The following DNAH5 variants were observed in gnomAD, a reference collection of about 807,000 sequenced individuals.
The protein encoded by DNAH5 is dynein axonemal heavy chain 5, also known as axonemal beta dynein heavy chain 5.
In DNAH5, 372 loss-of-function variants were observed where a neutral mutation model predicts 518.2. The observed-to-expected ratio is 0.72, with a 90% confidence interval of 0.66 to 0.78. The LOEUF (loss-of-function observed/expected upper bound fraction) is 0.78. Ranked by LOEUF, DNAH5 falls within the 30% of genes least tolerant of loss-of-function variation. The probability of loss-of-function intolerance (pLI) is 0.00; values close to 1 mark genes in which losing one functional copy is unlikely to be tolerated. For synonymous variants in DNAH5, 2,039 were observed against 2,025.9 expected (o/e 1.01, Z -0.17); for missense variants, 5,523 against 5,687.0 (o/e 0.97, Z 0.93).
At chr5:13,726,297 A>G (rs889490029) in intron 70 of DNAH5, among the ~76,000 whole-genome samples, 2 of 152,234 alleles carry the variant, frequency 1.3e-5, no homozygotes, top group East Asian at 1.9e-4. Context: ...GGACTTGAAA[A>G]GCCAATGAAT....
chr5:13,855,654 C>T (rs560882014), intron 30 of DNAH5, among the ~76,000 whole-genome samples: 39 of 152,312 alleles, frequency 2.6e-4, no homozygotes, highest in African/African-American at 9.1e-4. Context: ...ACCTAACAGA[C>T]ATCTACAGAA....
chr5:13,786,447 G>T, intron 51 of DNAH5, 96 bp from the exon 52 acceptor site: 4 of 1,229,414 alleles, frequency 3.3e-6, no homozygotes, highest in Non-Finnish European at 4.7e-6. Context: ...ACCTAACACT[G>T]AATAACATTC....
chr5:13,839,556 C>A, intron 34 of DNAH5, 28 bp from the exon 35 acceptor site: 1 of 1,583,312 alleles, frequency 6.3e-7, no homozygotes, highest in Non-Finnish European at 8.7e-7. Flanking sequence ...TATGTTAGAG[C>A]TCTGATGAGA....
At position 13,754,149 on chromosome 5, in the gene DNAH5, C is replaced by T. The variant is rs533982351; in HGVS notation, c.10555+54G>A. The T allele has an allele frequency of 1.3e-4, 205 of 1,608,186 alleles. 2 individuals carry two copies. The highest frequency in any genetic ancestry group is 1.9e-4 in the South Asian group (17 of 90,852). On this transcript the variant is annotated intron_variant, in intron 62 of 78. Transcript: ENST00000265104. ...GGAATTTGATTAAAGTATAAGCTTT[C>T]GAATTCCCTATCACAGTCAACACAC...
chr5:13,852,132 G>A (rs572222675), intron 30 of DNAH5, among the ~76,000 whole-genome samples: 2 of 152,164 alleles, frequency 1.3e-5, no homozygotes, highest in East Asian at 1.9e-4. Context: ...AAAATTCGGT[G>A]GCCGTTTGGG....
At chr5:13,902,714 T>G (rs940901635) in intron 12 of DNAH5, among the ~76,000 whole-genome samples, 1 of 152,330 alleles carries the variant, frequency 6.6e-6, no homozygotes, top group African/African-American at 2.4e-5. Flanking sequence ...TGCTGACCCC[T>G]GCCCTAGAGG....
chr5:13,890,321 T>G (rs1580762561), intron 17 of DNAH5, among the ~76,000 whole-genome samples: 3 of 151,184 alleles, frequency 2.0e-5, no homozygotes, highest in African/African-American at 7.3e-5. Context: ...GCAGGAGAAT[T>G]GCTTCAACCG....
At chr5:13,927,252 G>A (rs1323432685) in intron 3 of DNAH5, among the ~76,000 whole-genome samples, 2 of 152,122 alleles carry the variant, frequency 1.3e-5, no homozygotes, top group East Asian at 3.9e-4. Context: ...CCAGCACTTT[G>A]GGAGGCCGAG....
At position 13,859,477 on chromosome 5, in the gene DNAH5, C is replaced by A. The variant is rs934381467; in HGVS notation, c.4925G>T (p.Gly1642Val). The change falls in exon 30 of 79, where the codon GGA becomes GTA. Residue 1642 changes from glycine to valine, a missense_variant. Coordinates refer to ENST00000265104, the MANE Select transcript of DNAH5 (RefSeq NM_001369.3). Reference sequence around the variant, plus strand: ...CTTGGGCAGCTGCTTGGCAATGTCTCCTCCCACAAAGACAGCTTCTAAATA... The same window carrying A: ...CTTGGGCAGCTGCTTGGCAATGTCTACTCCCACAAAGACAGCTTCTAAATA... Reference protein sequence around the residue: ...WIYLEAVFVGGDIAKQLPKEA... With the variant: ...WIYLEAVFVGVDIAKQLPKEA... 8 of 1,613,928 alleles carry A rather than the reference C, an allele frequency of 5.0e-6. No individual in the cohort carries two copies. The highest frequency in any genetic ancestry group is 5.9e-6 in the Non-Finnish European group (7 of 1,179,964).
intron 1 of DNAH5, among the ~76,000 whole-genome samples, chr5:13,982,102 G>GTGC (rs1782713175): frequency 6.6e-6 from 1 of 152,246 alleles, no homozygotes; most frequent in Non-Finnish European, 1.5e-5. Context: ...CATAAACACT[G>GTGC]TGCTGCCAAA....
intron 58 of DNAH5, among the ~76,000 whole-genome samples, chr5:13,768,619 A>G (rs1328992375): frequency 1.3e-5 from 2 of 152,180 alleles, no homozygotes; most frequent in Non-Finnish European, 2.9e-5. Flanking sequence ...ATTGGCCTCA[A>G]TGAATGAATG....
chr5:13,971,475 T>C (rs1781866798), intron 1 of DNAH5, among the ~76,000 whole-genome samples: 1 of 152,152 alleles, frequency 6.6e-6, no homozygotes, highest in African/African-American at 2.4e-5. Flanking sequence ...GCTCCCTGGA[T>C]GTGGTGTTCT....
At chr5:13,895,869 T>C (rs947807372) in intron 15 of DNAH5, among the ~76,000 whole-genome samples, 11 of 151,938 alleles carry the variant, frequency 7.2e-5, no homozygotes, top group Non-Finnish European at 1.3e-4. Flanking sequence ...ACTCAGCTGA[T>C]AGTGACTTTA....
intron 12 of DNAH5, among the ~76,000 whole-genome samples, chr5:13,908,768 G>A (rs1775651434): frequency 6.6e-6 from 1 of 152,142 alleles, no homozygotes; most frequent in African/African-American, 2.4e-5. Flanking sequence ...CCTAAATCTG[G>A]AGAGGATTCC....
At chr5:13,936,109 T>C (rs1324398683) in intron 1 of DNAH5, among the ~76,000 whole-genome samples, 1 of 152,180 alleles carries the variant, frequency 6.6e-6, no homozygotes, top group Non-Finnish European at 1.5e-5. Context: ...TGGCCAATCC[T>C]CCACAGACAA....
intron 35 of DNAH5, 133 bp from the exon 36 acceptor site, chr5:13,830,908 A>G: frequency 1.3e-6 from 1 of 785,860 alleles, no homozygotes; most frequent in Non-Finnish European, 2.1e-6. Context: ...TTTCGAATAC[A>G]ACATCCTAAA....
intron 1 of DNAH5, among the ~76,000 whole-genome samples, chr5:13,977,664 C>T (rs190492902): frequency 5.9e-5 from 9 of 152,026 alleles, no homozygotes; most frequent in Middle Eastern, 3.2e-3. Context: ...CCGTCGAAGG[C>T]GGAGGAAATT....
chr5:13,775,940 A>G (rs1754021266), intron 55 of DNAH5, among the ~76,000 whole-genome samples: 2 of 151,650 alleles, frequency 1.3e-5, no homozygotes, highest in South Asian at 2.1e-4. Flanking sequence ...TTCTTTTAAA[A>G]TATCAACAGA....
intron 1 of DNAH5, among the ~76,000 whole-genome samples, chr5:13,949,846 T>G (rs1780243376): frequency 6.6e-6 from 1 of 152,216 alleles, no homozygotes; most frequent in Admixed American, 6.5e-5. Flanking sequence ...AATGTTGTCC[T>G]GGCTTTAGGA....
Sources: gnomAD v4.1 joint callset for allele counts (sites outside exome capture counted in the v4.1 genomes callset) on GRCh38, gnomAD v4.1.1 for gene constraint, MANE v1.5 for transcripts, NCBI Gene and HGNC (gene_info 2026-07-23, HGNC 2026-07-21) for gene names.